IFT122: variants seen among roughly 807,000 people sequenced by gnomAD.
The protein encoded by IFT122 is intraflagellar transport protein 122 homolog.
In IFT122, 118 loss-of-function variants were observed where a neutral mutation model predicts 161.6. That is an observed-to-expected ratio of 0.73 (90% CI 0.63 to 0.85). The LOEUF (loss-of-function observed/expected upper bound fraction) is 0.85, where lower values mean the gene tolerates loss of function less well. IFT122 is among the 40% of genes least tolerant of loss of function. The probability of loss-of-function intolerance (pLI) is 0.00; values close to 1 mark genes in which losing one functional copy is unlikely to be tolerated. For synonymous variants in IFT122, 550 were observed against 602.4 expected (o/e 0.91, Z 1.27); for missense variants, 1,381 against 1,579.6 (o/e 0.87, Z 2.13).
intron 6 of IFT122, among the ~76,000 whole-genome samples, chr3:129,464,024 A>G (rs1048778165): frequency 3.3e-5 from 5 of 152,210 alleles, no homozygotes; most frequent in Non-Finnish European, 7.3e-5. Flanking sequence ...AAAGTTACTA[A>G]ATCTTTCTGA....
At chr3:129,474,378 C>A (rs539528474) in intron 9 of IFT122, among the ~76,000 whole-genome samples, 26 of 152,272 alleles carry the variant, frequency 1.7e-4, no homozygotes, top group African/African-American at 5.3e-4. Context: ...AATCACAAAT[C>A]GTCTTTTTAT....
rs777374649 is a variant in IFT122 at position 129,519,675 on chromosome 3, A to G, written c.3579A>G (p.Gln1193=). ...IKRWPPPLRW[Q]YFRSLLPDAS... ...GATGGCCCCCACCCCTGAGGTGGCA[A>G]TACTTCCGCTCACTGCTGCCTGACG... is the stretch of plus-strand genomic sequence containing the variant. Residue 1193 remains glutamine, a synonymous_variant, in exon 29 of 30, where the codon CAA becomes CAG. Transcript: ENST00000348417. 3.1e-6 allele frequency: 5 copies of G among 1,613,556 alleles called. No individual in the cohort carries two copies. Among genetic ancestry groups the G allele is most frequent in the Admixed American group, 1.7e-5 (1 of 59,994 alleles).
Position 129,481,073 on chromosome 3 carries a change from T to A in IFT122, c.1489-457T>A, listed in dbSNP as rs999652819. Among the ~76,000 whole-genome samples, 25 of 151,994 alleles carry A rather than the reference T, an allele frequency of 1.6e-4. 1 individual carries two copies. Among genetic ancestry groups the A allele is most frequent in the Admixed American group, 4.6e-4 (7 of 15,254 alleles). On this transcript the variant is annotated intron_variant, in intron 13 of 29. Transcript: ENST00000348417. ...AGCAAGACCTTATCTCTAAAAAAAA[T>A]TTTTTTTAAACCAGGGATATCAGTA...
In IFT122 at chr3:129,517,587, A is replaced by T. The variant is rs1347562745; in HGVS notation, c.3384A>T (p.Ala1128=). 1.2e-6 allele frequency: 2 copies of T among 1,613,442 alleles called. No individual in the cohort carries two copies. The highest frequency in any genetic ancestry group is 3.3e-5 in the Admixed American group (2 of 59,986). ...PKRDDRQLEI[A]NNSSQILRLV... is the part of the protein sequence containing the mutation. ...GGGATGACAGACAGCTAGAGATTGCAAACAACAGTATCCATGCCCTTGGCC... is the reference window on the plus strand; with the variant it reads ...GGGATGACAGACAGCTAGAGATTGCTAACAACAGTATCCATGCCCTTGGCC... The change falls in exon 27 of 30, where the codon GCA becomes GCT. Residue 1128 remains alanine (A), a synonymous_variant. Coordinates refer to ENST00000348417, the MANE Select transcript of IFT122 (RefSeq NM_052989.3).
chr3:129,488,488 A>C, intron 16 of IFT122, 91 bp downstream of exon 16: 1 of 1,536,520 alleles, frequency 6.5e-7, no homozygotes, highest in Non-Finnish European at 9.0e-7. Context: ...GAGAGGCCAT[A>C]GACTGCAGCA....
chr3:129,463,171 A>G (rs2076361616), intron 5 of IFT122: 1 of 224,134 alleles, frequency 4.5e-6, no homozygotes, highest in Admixed American at 5.3e-5. Context: ...ATTATACAAT[A>G]TCAAGACCAG....
intron 18 of IFT122, among the ~76,000 whole-genome samples, chr3:129,498,792 A>G (rs1236834804): frequency 1.3e-5 from 2 of 152,182 alleles, no homozygotes; most frequent in Non-Finnish European, 2.9e-5. Context: ...CACAGGGTAC[A>G]TTATTCCTGA....
At chr3:129,443,213 A>G (rs1242865470) in intron 1 of IFT122, among the ~76,000 whole-genome samples, 1 of 152,254 alleles carries the variant, frequency 6.6e-6, no homozygotes, top group East Asian at 1.9e-4. Context: ...TAAGATTACA[A>G]AATGAGTAAG....
chr3:129,516,229 ACAGACTGCCCCTGCGTG>A (rs2083543850), intron 26 of IFT122, among the ~76,000 whole-genome samples: 1 of 141,546 alleles, frequency 7.1e-6, no homozygotes, highest in Non-Finnish European at 1.5e-5. Context: ...GCACACACAC[ACAGACTGCCCCTGCGTG>A]CACACACAGA....
intron 27 of IFT122, among the ~76,000 whole-genome samples, chr3:129,518,776 G>A (rs561360722): frequency 3.3e-5 from 5 of 152,282 alleles, no homozygotes; most frequent in South Asian, 2.1e-4. Flanking sequence ...ACAAGTGCCC[G>A]CAGACCCCCA....
chr3:129,460,330 C>A (rs1174368187), intron 4 of IFT122, among the ~76,000 whole-genome samples: 2 of 152,176 alleles, frequency 1.3e-5, no homozygotes, highest in Non-Finnish European at 2.9e-5. Flanking sequence ...TCTTTTGTGG[C>A]TGAGTTATTT....
intron 9 of IFT122, among the ~76,000 whole-genome samples, chr3:129,474,126 A>G (rs1392838140): frequency 6.6e-6 from 1 of 152,204 alleles, no homozygotes; most frequent in African/African-American, 2.4e-5. Flanking sequence ...TTAAACTTAT[A>G]ATTGCAGTTT....
intron 14 of IFT122, among the ~76,000 whole-genome samples, chr3:129,482,975 C>T (rs1326932763): frequency 1.3e-5 from 2 of 152,140 alleles, no homozygotes; most frequent in African/African-American, 4.8e-5. Context: ...TGTGGAAGGG[C>T]GTCTGTGCTG....
chr3:129,512,411 G>A lies in IFT122; in HGVS notation c.2986G>A (p.Val996Met). The A allele has an allele frequency of 1.3e-6, 2 of 1,598,910 alleles. No homozygotes were observed. The highest frequency in any genetic ancestry group is 1.7e-6 in the Non-Finnish European group (2 of 1,166,100). Reference protein sequence around the residue: ...PKDTPSGISKVKILFTLAKQS... With the variant: ...PKDTPSGISKMKILFTLAKQS... The stretch of plus-strand genomic sequence containing the variant: ...GGACACCCCCTCGGGCATCTCTAAA[G>A]TGTATCCTTTCTCTTATCCCTCCTC... The change falls in exon 24 of 30, where the codon GTG becomes ATG. Residue 996 changes from valine to methionine, a missense_variant and splice_region_variant. By Grantham distance (21) the Val-to-Met change is conservative. Around this residue, in one of 7 missense-constraint regions of IFT122, gnomAD observed 496 missense variants for 502.5 expected, o/e 0.99. Coordinates refer to ENST00000348417, the MANE Select transcript of IFT122 (RefSeq NM_052989.3).
At chr3:129,519,244 C>T (rs1333477284) in intron 28 of IFT122, 58 bp downstream of exon 28, 6 of 1,438,242 alleles carry the variant, frequency 4.2e-6, no homozygotes, top group Non-Finnish European at 5.9e-6. Context: ...TTCTCCTGTG[C>T]ACATGGGGAC....
At chr3:129,483,954 C>T (rs2108355322) in intron 15 of IFT122, 1 of 513,236 alleles carries the variant, frequency 1.9e-6, no homozygotes, top group East Asian at 3.7e-5. Context: ...GTGTTGTCAG[C>T]AGCGTGTGTT....
At chr3:129,486,396 G>A (rs1272739242) in intron 15 of IFT122, among the ~76,000 whole-genome samples, 2 of 152,162 alleles carry the variant, frequency 1.3e-5, no homozygotes, top group Non-Finnish European at 2.9e-5. Flanking sequence ...TTCAGGTTTC[G>A]TCAAGCCAAA....
At chr3:129,493,292 A>G (rs1274392861) in intron 17 of IFT122, among the ~76,000 whole-genome samples, 1 of 152,188 alleles carries the variant, frequency 6.6e-6, no homozygotes. Context: ...CCTCTCATTC[A>G]TTTCCCCATA....
intron 14 of IFT122, among the ~76,000 whole-genome samples, chr3:129,482,001 G>C (rs779124266): frequency 6.6e-6 from 1 of 152,260 alleles, no homozygotes; most frequent in Non-Finnish European, 1.5e-5. Context: ...CAATGACTCT[G>C]AGAGGGGTGT....
Sources: gnomAD v4.1 joint callset for allele counts (sites outside exome capture counted in the v4.1 genomes callset) on GRCh38, gnomAD v4.1.1 for gene constraint, gnomAD v4.1.1 regional missense constraint, MANE v1.5 for transcripts, NCBI Gene and HGNC (gene_info 2026-07-23, HGNC 2026-07-21) for gene names.